The following MBD2 variants were observed in gnomAD, a reference collection of about 807,000 sequenced individuals.
The protein encoded by MBD2 is methyl-CpG binding domain protein 2.
A neutral mutation model predicts 39.3 loss-of-function variants in MBD2; 9 were observed. The observed-to-expected ratio is 0.23, with a 90% CI of 0.14 to 0.40. The LOEUF (loss-of-function observed/expected upper bound fraction) is 0.40, where lower values mean the gene tolerates loss of function less well. Among genes scored for constraint, MBD2 ranks in the 10% least tolerant of loss-of-function variants. The probability of loss-of-function intolerance (pLI) is 1.00; values close to 1 mark genes in which losing one functional copy is unlikely to be tolerated. For missense variants in MBD2, 458 were observed against 532.6 expected, an observed-to-expected ratio of 0.86 and a Z score of 1.38; for synonymous variants, 233 against 211.1, an observed-to-expected ratio of 1.10 and a Z score of -0.90.
intron 1 of MBD2, among the ~76,000 whole-genome samples, chr18:54,209,078 C>T (rs1238458615): frequency 2.0e-5 from 3 of 151,958 alleles, no homozygotes; most frequent in East Asian, 1.9e-4. Flanking sequence ...GCGGATTGCC[C>T]GAGCTCAGGA....
intron 1 of MBD2, among the ~76,000 whole-genome samples, chr18:54,208,501 A>G (rs2086471756): frequency 6.6e-6 from 1 of 152,212 alleles, no homozygotes. Flanking sequence ...AATAAAATAA[A>G]ATAAAATGAC....
intron 1 of MBD2, among the ~76,000 whole-genome samples, chr18:54,210,112 A>C (rs562737641): frequency 6.6e-6 from 1 of 152,218 alleles, no homozygotes; most frequent in East Asian, 1.9e-4. Flanking sequence ...ATTCCCTACC[A>C]ACTGCCCCCT....
At chr18:54,193,440 T>C (rs1194139587) in intron 2 of MBD2, among the ~76,000 whole-genome samples, 1 of 152,178 alleles carries the variant, frequency 6.6e-6, no homozygotes, top group East Asian at 1.9e-4. Context: ...AATCAAAATT[T>C]AATACATTTT....
At chr18:54,157,099 G>C (rs992664789) in intron 6 of MBD2, among the ~76,000 whole-genome samples, 5 of 151,990 alleles carry the variant, frequency 3.3e-5, no homozygotes, top group Non-Finnish European at 7.4e-5. Flanking sequence ...ACACACTTCA[G>C]ACTTCCCTCT....
At chr18:54,205,973 C>T (rs1056194263) in intron 1 of MBD2, among the ~76,000 whole-genome samples, 2 of 151,988 alleles carry the variant, frequency 1.3e-5, no homozygotes, top group Non-Finnish European at 2.9e-5. Flanking sequence ...CACACACACA[C>T]ACACACACAC....
Position 54,204,960 on chromosome 18 carries a change from C to A in MBD2, c.702+38G>T, listed in dbSNP as rs35040517. On this transcript the variant is annotated intron_variant, in intron 2 of 6. Transcript: ENST00000256429. ...TGTGAGATACTTTTTGAAGAGCTTT[C>A]GAAGTAGCATATACATGCGATAAGT... 40 of 1,579,534 alleles carry A rather than the reference C, an allele frequency of 2.5e-5. No individual in the cohort carries two copies. In the East Asian group the frequency reaches 4.3e-4, roughly 17 times the overall value.
chr18:54,171,559 A>T (rs2144290479), intron 3 of MBD2, among the ~76,000 whole-genome samples: 1 of 152,248 alleles, frequency 6.6e-6, no homozygotes, highest in East Asian at 1.9e-4. Flanking sequence ...GCAGGAGGAG[A>T]TATGTTTATT....
At chr18:54,159,328 C>T (rs1450843482) in intron 6 of MBD2, among the ~76,000 whole-genome samples, 1 of 152,126 alleles carries the variant, frequency 6.6e-6, no homozygotes, top group African/African-American at 2.4e-5. Context: ...AAGAAACAAA[C>T]AACAGCACAT....
At chr18:54,207,415 C>T (rs1272357095) in intron 1 of MBD2, among the ~76,000 whole-genome samples, 1 of 152,184 alleles carries the variant, frequency 6.6e-6, no homozygotes, top group Non-Finnish European at 1.5e-5. Context: ...ATTTTCATTA[C>T]AATATTTCCT....
chr18:54,199,168 AT>A (rs1332082687), intron 2 of MBD2, among the ~76,000 whole-genome samples: 4 of 152,192 alleles, frequency 2.6e-5, no homozygotes, highest in African/African-American at 9.7e-5. Context: ...GAACAGGCAC[AT>A]TGTGTTTCTA....
At chr18:54,197,127 C>T (rs954152811) in intron 2 of MBD2, among the ~76,000 whole-genome samples, 1 of 152,164 alleles carries the variant, frequency 6.6e-6, no homozygotes, top group African/African-American at 2.4e-5. Flanking sequence ...ACATCTTTCC[C>T]TTTCTTCCTT....
intron 1 of MBD2, among the ~76,000 whole-genome samples, chr18:54,208,789 ACAT>A (rs2086474673): frequency 6.6e-6 from 1 of 152,216 alleles, no homozygotes; most frequent in South Asian, 2.1e-4. Flanking sequence ...GCAGCTGAAA[ACAT>A]AATAGAGCCT....
intron 3 of MBD2, among the ~76,000 whole-genome samples, chr18:54,168,149 C>T (rs1281401865): frequency 1.3e-5 from 2 of 151,328 alleles, no homozygotes; most frequent in Non-Finnish European, 2.9e-5. Flanking sequence ...TCAACACTAC[C>T]ACATAAAAGC....
At chr18:54,157,953 C>T (rs913513209) in intron 6 of MBD2, among the ~76,000 whole-genome samples, 4 of 152,222 alleles carry the variant, frequency 2.6e-5, no homozygotes, top group African/African-American at 9.7e-5. Context: ...CTAAAGCCAC[C>T]ATCATCTCTT....
chr18:54,188,937 G>A lies in MBD2; in HGVS notation c.777C>T (p.Val259=), dbSNP rs762513492. The change falls in exon 3 of 7, where the codon GTC becomes GTT. Residue 259 remains valine (V), a synonymous_variant. Coordinates refer to ENST00000256429, the MANE Select transcript of MBD2 (RefSeq NM_003927.5). ...TCACTTTATTACTAGGATGATTTGTGACTTTGGTTACCGGTTGTTTGAAAA... is the reference window on the plus strand; with the variant it reads ...TCACTTTATTACTAGGATGATTTGTAACTTTGGTTACCGGTTGTTTGAAAA... The part of the protein sequence containing the change: ...ASIFKQPVTK[V]TNHPSNKVKS... 1 of 1,610,362 alleles carries A rather than the reference G, an allele frequency of 6.2e-7. No homozygotes were observed. Among genetic ancestry groups the A allele is most frequent in the Non-Finnish European group, 8.5e-7 (1 of 1,177,624 alleles).
intron 3 of MBD2, among the ~76,000 whole-genome samples, chr18:54,179,468 A>G (rs2086234245): frequency 6.6e-6 from 1 of 152,204 alleles, no homozygotes; most frequent in Non-Finnish European, 1.5e-5. Context: ...CCTAAACCTA[A>G]TAACAGCAAC....
Position 54,153,622 on chromosome 18 carries a change from C to T in MBD2, c.*1702G>A, listed in dbSNP as rs942102744. 1.3e-5 allele frequency: 2 copies of T among 152,140 alleles called. No homozygotes were observed. The highest frequency in any genetic ancestry group is 2.9e-5 in the Non-Finnish European group (2 of 68,042). 9.4% of individuals were successfully genotyped at this position (152,140 alleles called of 1,614,324 possible). A position where few individuals can be genotyped will look rare whatever the true frequency, so the allele number is the denominator to read the frequency against. On this transcript the variant is annotated 3_prime_UTR_variant, in exon 7 of 7. Coordinates refer to ENST00000256429, the MANE Select transcript of MBD2 (RefSeq NM_003927.5). ...GATCACAAATGAAGAATCGTGGACTCGGGGGAGGAAGAGAAAAGCCCTTGG... is the reference window on the plus strand; with the variant it reads ...GATCACAAATGAAGAATCGTGGACTTGGGGGAGGAAGAGAAAAGCCCTTGG...
At chr18:54,186,441 T>C (rs2086287086) in intron 3 of MBD2, among the ~76,000 whole-genome samples, 1 of 152,136 alleles carries the variant, frequency 6.6e-6, no homozygotes, top group Non-Finnish European at 1.5e-5. Flanking sequence ...TACAAATAGC[T>C]GATTAGCAGT....
At chr18:54,173,994 G>A (rs1445625184) in intron 3 of MBD2, among the ~76,000 whole-genome samples, 4 of 152,154 alleles carry the variant, frequency 2.6e-5, no homozygotes, top group African/African-American at 9.7e-5. Flanking sequence ...AAGAATAGAA[G>A]GTGGGAGAGA....
Sources: gnomAD v4.1 joint callset for allele counts (sites outside exome capture counted in the v4.1 genomes callset) on GRCh38, gnomAD v4.1.1 for gene constraint, MANE v1.5 for transcripts, NCBI Gene and HGNC (gene_info 2026-07-23, HGNC 2026-07-21) for gene names.